Variants in CYP4F11 observed in about 807,000 individuals in gnomAD.
CYP4F11 encodes the protein cytochrome P450 4F11.
CYP4F11 carries 79 observed loss-of-function variants against 62.2 expected under a neutral mutation model. The observed-to-expected ratio is 1.27, with a 90% CI of 1.06 to 1.53. The LOEUF is 1.53. Ranked by LOEUF, CYP4F11 falls within the 40% of genes most tolerant of loss-of-function variation. The pLI is 0.00. For synonymous variants in CYP4F11, 290 were observed against 263.7 expected (o/e 1.10, Z -0.97); for missense variants, 777 against 680.5 (o/e 1.14, Z -1.58).
At chr19:15,926,950 G>C (rs2089673280) in intron 4 of CYP4F11, among the ~76,000 whole-genome samples, 1 of 152,208 alleles carries the variant, frequency 6.6e-6, no homozygotes, top group South Asian at 2.1e-4. Context: ...ATGCAATCTT[G>C]ATCTTTACTC....
rs1294572282 is a variant in CYP4F11, at chr19:15,912,777, A to ATGTATATGTGTGTGTGTGTG, written c.*954_*955insCACACACACACACATATACA. 2 of 38,632 alleles carry ATGTATATGTGTGTGTGTGTG rather than the reference A, an allele frequency of 5.2e-5. No homozygotes were observed. Among genetic ancestry groups the ATGTATATGTGTGTGTGTGTG allele is most frequent in the African/African-American group, 9.9e-5 (1 of 10,108 alleles). The allele number at this position is 38,632 out of a possible 1,614,324, so 2.4% of individuals were successfully genotyped here. On this transcript the variant is annotated 3_prime_UTR_variant, in exon 12 of 12. Coordinates refer to ENST00000402119, the MANE Select transcript of CYP4F11 (RefSeq NM_021187.4). ...TGTGTGTGTGTGTGTGTGTGTATAT[A>ATGTATATGTGTGTGTGTGTG]TATATATATATAATATATATATATA...
intron 2 of CYP4F11, 167 bp from the exon 3 acceptor site, chr19:15,927,650 G>T: frequency 1.2e-6 from 1 of 831,904 alleles, no homozygotes; most frequent in Non-Finnish European, 1.9e-6. Flanking sequence ...AGGAAGGAGA[G>T]ACCAGACCAG....
intron 6 of CYP4F11, among the ~76,000 whole-genome samples, chr19:15,923,598 T>G (rs2089645861): frequency 6.6e-6 from 1 of 152,182 alleles, no homozygotes; most frequent in Non-Finnish European, 1.5e-5. Flanking sequence ...AACATGTAAG[T>G]AGAGTAAAAT....
At chr19:15,925,369 G>T (rs1428596326) in intron 4 of CYP4F11, among the ~76,000 whole-genome samples, 2 of 152,136 alleles carry the variant, frequency 1.3e-5, no homozygotes, top group Non-Finnish European at 2.9e-5. Flanking sequence ...TCCTAAATAT[G>T]TATCATGGAG....
intron 8 of CYP4F11, among the ~76,000 whole-genome samples, chr19:15,921,054 G>GTCTCTC (rs60842401): frequency 3.6e-4 from 44 of 122,426 alleles, no homozygotes; most frequent in African/African-American, 5.4e-4. Context: ...CTCTCTTTCT[G>GTCTCTC]TCTCTCTCTC....
rs1161920586 is a variant in CYP4F11 at position 15,912,695 on chromosome 19, ATATGTG to A, written c.*1031_*1036del. ...AAAAAAAAAAAATATATATATATAT[ATATGTG>A]TGTGTGTGTGTGTGTGTGTGTGTGT... is the stretch of plus-strand genomic sequence containing the variant. On this transcript the variant is annotated 3_prime_UTR_variant, in exon 12 of 12. Coordinates refer to ENST00000402119, the MANE Select transcript of CYP4F11 (RefSeq NM_021187.4). The A allele has an allele frequency of 1.2e-4, 5 of 41,434 alleles. No homozygotes were observed. The highest frequency in any genetic ancestry group is 3.1e-4 in the African/African-American group (4 of 12,750). The allele number at this position is 41,434 out of a possible 1,614,324, so 2.6% of individuals were successfully genotyped here.
chr19:15,934,397 C>G lies in CYP4F11; in HGVS notation c.12G>C (p.Leu4=), dbSNP rs754704954. The G allele has an allele frequency of 6.2e-7, 1 of 1,613,184 alleles. No homozygotes were observed. Among genetic ancestry groups the G allele is most frequent in the Non-Finnish European group, 8.5e-7 (1 of 1,179,654 alleles). The change falls in exon 1 of 12, where the codon CTG becomes CTC. Residue 4 remains leucine (L), a synonymous_variant. Coordinates refer to ENST00000402119, the MANE Select transcript of CYP4F11 (RefSeq NM_021187.4). ...GCCCGAGGCCCAGCCAGGACAGGCT[C>G]AGCTGCGGCATCCTGCAGGGCAGAC... The part of the protein sequence containing the change: MPQ[L]SLSWLGLGPV...
intron 8 of CYP4F11, among the ~76,000 whole-genome samples, chr19:15,921,050 TTCTGTCTC>T (rs1568482660): frequency 2.6e-5 from 1 of 38,112 alleles, no homozygotes. Context: ...CTCTCTCTCT[TTCTGTCTC>T]TCTCTCTCTC....
chr19:15,914,030 G>T (rs936376333), intron 11 of CYP4F11, 121 bp from the exon 12 acceptor site: 19 of 1,286,986 alleles, frequency 1.5e-5, no homozygotes, highest in Non-Finnish European at 1.9e-5. Flanking sequence ...AGAAAGAGGG[G>T]ATAAGTGTCC....
chr19:15,912,779 A>ATG lies in CYP4F11; in HGVS notation c.*952_*953insCA, dbSNP rs1568479718. On this transcript the variant is annotated 3_prime_UTR_variant, in exon 12 of 12. Transcript: ENST00000402119. ...TGTGTGTGTGTGTGTGTGTATATAT[A>ATG]TATATATATAATATATATATATATA... is the stretch of plus-strand genomic sequence containing the variant. The ATG allele has an allele frequency of 3.0e-3, 85 of 28,554 alleles. 9 individuals carry two copies. Among genetic ancestry groups the ATG allele is most frequent in the African/African-American group, 9.5e-3 (83 of 8,702 alleles). The allele number at this position is 28,554 out of a possible 1,614,324, so 1.8% of individuals were successfully genotyped here. A position where few individuals can be genotyped will look rare whatever the true frequency, so the allele number is the denominator to read the frequency against.
chr19:15,924,398 C>A (rs1168795671), intron 5 of CYP4F11, among the ~76,000 whole-genome samples: 1 of 152,186 alleles, frequency 6.6e-6, no homozygotes, highest in Non-Finnish European at 1.5e-5. Flanking sequence ...CCAGCCCCCA[C>A]CATAACAGAC....
In CYP4F11 at chr19:15,927,621, G is replaced by A. The variant is rs372620558; in HGVS notation, c.344-138C>T. 1.2e-4 allele frequency: 137 copies of A among 1,153,598 alleles called. No individual in the cohort carries two copies. The East Asian group carries it at 2.1e-3, about 18-fold the overall frequency. The allele number at this position is 1,153,598 out of a possible 1,614,324, so 71.5% of individuals were successfully genotyped here. ...AGCAGGAAGAAGGCCAAGGGTAGAG[G>A]AAGAAGGGAGGATGGTGGAGGAAGG... is the stretch of plus-strand genomic sequence containing the variant. On this transcript the variant is annotated intron_variant, in intron 2 of 11. Coordinates refer to ENST00000402119, the MANE Select transcript of CYP4F11 (RefSeq NM_021187.4).
At chr19:15,924,139 A>G in intron 5 of CYP4F11, 57 bp from the exon 6 acceptor site, 1 of 1,564,180 alleles carries the variant, frequency 6.4e-7, no homozygotes, top group Non-Finnish European at 8.7e-7. Context: ...ACCTCTCACC[A>G]GCAGCTAGAA....
chr19:15,925,991 C>A (rs1320867794), intron 4 of CYP4F11, among the ~76,000 whole-genome samples: 2 of 151,630 alleles, frequency 1.3e-5, no homozygotes, highest in Non-Finnish European at 2.9e-5. Context: ...GGTGAAACCC[C>A]GTCTCTACTA....
At chr19:15,922,218 G>A (rs574627445) in intron 7 of CYP4F11, 52 bp from the exon 8 acceptor site, 5 of 1,598,264 alleles carry the variant, frequency 3.1e-6, no homozygotes, top group South Asian at 2.3e-5. Context: ...AGCACCAGAG[G>A]GAGGAGAGCA....
intron 8 of CYP4F11, among the ~76,000 whole-genome samples, chr19:15,916,357 C>T (rs1485973208): frequency 4.0e-5 from 6 of 151,880 alleles, no homozygotes; most frequent in African/African-American, 1.2e-4. Context: ...AAAAGCAAGT[C>T]GGCTTAGGCA....
At chr19:15,933,965 G>C (rs71203943) in intron 1 of CYP4F11, among the ~76,000 whole-genome samples, 4 of 129,236 alleles carry the variant, frequency 3.1e-5, no homozygotes, top group Admixed American at 8.0e-5. Context: ...AGTGAGCGGG[G>C]AGAGGAATGA....
rs539121936 is a variant in CYP4F11, at chr19:15,924,700, T to C, written c.647+61A>G. The C allele has an allele frequency of 1.1e-5, 17 of 1,578,166 alleles. No homozygotes were observed. In the South Asian group the frequency reaches 1.3e-4, roughly 12 times the overall value. ...TTCTGGTTACCCCGGTCAGCCATCC[T>C]TTTCCAGCCTACTCCCTTGGGTTCC... On this transcript the variant is annotated intron_variant, in intron 5 of 11. Transcript: ENST00000402119.
At chr19:15,919,314 A>G (rs1278203519) in intron 8 of CYP4F11, among the ~76,000 whole-genome samples, 1 of 149,792 alleles carries the variant, frequency 6.7e-6, no homozygotes, top group Non-Finnish European at 1.5e-5. Flanking sequence ...AATACATAGT[A>G]TATATATGGA....
Sources: gnomAD v4.1 joint callset for allele counts (sites outside exome capture counted in the v4.1 genomes callset) on GRCh38, gnomAD v4.1.1 for gene constraint, MANE v1.5 for transcripts, NCBI Gene and HGNC (gene_info 2026-07-23, HGNC 2026-07-21) for gene names.